KAT6B: variants seen among roughly 807,000 people sequenced by gnomAD.
KAT6B encodes the protein lysine acetyltransferase 6B.
Under a neutral mutation model 187.5 loss-of-function variants are expected in KAT6B, and 10 were observed. That is an observed-to-expected ratio of 0.05 (90% CI 0.03 to 0.09). The LOEUF is 0.09. Ranked by LOEUF, KAT6B falls within the 10% of genes least tolerant of loss-of-function variation. The probability of loss-of-function intolerance (pLI) is 1.00; values close to 1 mark genes in which losing one functional copy is unlikely to be tolerated. For synonymous variants in KAT6B, 861 were observed against 926.8 expected (o/e 0.93, Z 1.29); for missense variants, 1,952 against 2,558.9 (o/e 0.76, Z 5.12).
intron 13 of KAT6B, among the ~76,000 whole-genome samples, chr10:75,003,979 T>A (rs1316386196): frequency 1.3e-5 from 2 of 152,100 alleles, no homozygotes; most frequent in Non-Finnish European, 2.9e-5. Context: ...CTGCAGTCTC[T>A]CTCATTTTTT....
intron 3 of KAT6B, among the ~76,000 whole-genome samples, chr10:74,892,763 G>T (rs980085529): frequency 5.3e-5 from 8 of 152,176 alleles, no homozygotes; most frequent in African/African-American, 1.9e-4. Context: ...AGAGGTACCA[G>T]CCAGGTGCTG....
intron 3 of KAT6B, among the ~76,000 whole-genome samples, chr10:74,906,008 G>A (rs1458968132): frequency 6.6e-6 from 1 of 152,110 alleles, no homozygotes; most frequent in Non-Finnish European, 1.5e-5. Context: ...TAAAAATGAT[G>A]AGACTTTTTA....
intron 3 of KAT6B, among the ~76,000 whole-genome samples, chr10:74,855,847 GTGTATA>G (rs1842782703): frequency 6.6e-6 from 1 of 151,964 alleles, no homozygotes; most frequent in African/African-American, 2.4e-5. Context: ...TCCTATATGT[GTGTATA>G]TGTATATGTT....
At chr10:74,903,994 C>T (rs1314270074) in intron 3 of KAT6B, among the ~76,000 whole-genome samples, 1 of 152,144 alleles carries the variant, frequency 6.6e-6, no homozygotes, top group Non-Finnish European at 1.5e-5. Context: ...TACATTATCT[C>T]CCTTAAGGCA....
intron 1 of KAT6B, among the ~76,000 whole-genome samples, chr10:74,835,672 AAAC>A (rs2132000449): frequency 1.3e-5 from 2 of 152,370 alleles, no homozygotes; most frequent in African/African-American, 4.8e-5. Flanking sequence ...CCTTTTGTAA[AAAC>A]AACAATGCTA....
At position 74,922,841 on chromosome 10, in the gene KAT6B, G is replaced by A. The variant is rs1019619159; in HGVS notation, c.622-37129G>A. Among the ~76,000 whole-genome samples the A allele has an allele frequency of 3.9e-4, 59 of 152,106 alleles. 1 individual carries two copies. Among genetic ancestry groups the A allele is most frequent in the Non-Finnish European group, 8.8e-5 (6 of 68,010 alleles). On this transcript the variant is annotated intron_variant, in intron 3 of 17. Transcript: ENST00000287239. The stretch of plus-strand genomic sequence containing the variant: ...GTTCATGAACAAACACTTCATTTCT[G>A]TAGTCATATTTTTTTTTAAAGAATA...
intron 3 of KAT6B, among the ~76,000 whole-genome samples, chr10:74,922,778 G>T (rs1017258149): frequency 6.6e-6 from 1 of 152,212 alleles, no homozygotes; most frequent in African/African-American, 2.4e-5. Context: ...TTTGGCTCAA[G>T]TGAATCCAGA....
intron 3 of KAT6B, among the ~76,000 whole-genome samples, chr10:74,855,373 A>G (rs908275724): frequency 3.9e-5 from 6 of 152,204 alleles, no homozygotes; most frequent in African/African-American, 1.2e-4. Context: ...TTGCCACCCT[A>G]TGGGTATGAT....
At chr10:74,944,913 C>CA (rs1850006916) in intron 3 of KAT6B, among the ~76,000 whole-genome samples, 1 of 150,962 alleles carries the variant, frequency 6.6e-6, no homozygotes, top group South Asian at 2.1e-4. Flanking sequence ...AATACCATAC[C>CA]AAGTGCAACT....
intron 3 of KAT6B, among the ~76,000 whole-genome samples, chr10:74,926,756 T>C (rs555787692): frequency 6.6e-6 from 1 of 152,328 alleles, no homozygotes; most frequent in Admixed American, 6.5e-5. Context: ...CCACTTCACG[T>C]GGAGGCATGG....
intron 1 of KAT6B, among the ~76,000 whole-genome samples, chr10:74,833,083 C>T (rs1298903023): frequency 2.8e-5 from 4 of 141,262 alleles, no homozygotes; most frequent in African/African-American, 8.0e-5. Flanking sequence ...TGCAGTGAGC[C>T]GAGATCACGC....
chr10:74,943,021 C>A (rs1474564678), intron 3 of KAT6B, among the ~76,000 whole-genome samples: 1 of 152,014 alleles, frequency 6.6e-6, no homozygotes, highest in Non-Finnish European at 1.5e-5. Context: ...TTACAGCATG[C>A]AGATTGAGAG....
chr10:74,885,537 A>G (rs1845177209), intron 3 of KAT6B, among the ~76,000 whole-genome samples: 1 of 152,180 alleles, frequency 6.6e-6, no homozygotes, highest in Non-Finnish European at 1.5e-5. Context: ...TAAATATGCT[A>G]GATATGAACT....
chr10:74,888,222 T>C (rs971893154), intron 3 of KAT6B, among the ~76,000 whole-genome samples: 9 of 152,330 alleles, frequency 5.9e-5, no homozygotes, highest in Admixed American at 3.3e-4. Context: ...ATGTAAGTAA[T>C]CTTGGGTATA....
chr10:74,974,437 A>T (rs958464194), intron 7 of KAT6B, among the ~76,000 whole-genome samples: 6 of 152,176 alleles, frequency 3.9e-5, no homozygotes, highest in Admixed American at 3.3e-4. Flanking sequence ...TTGAAAGTAC[A>T]TTCTTGGGCC....
At chr10:74,932,946 A>G (rs954209632) in intron 3 of KAT6B, among the ~76,000 whole-genome samples, 2 of 152,220 alleles carry the variant, frequency 1.3e-5, no homozygotes, top group African/African-American at 4.8e-5. Flanking sequence ...CTGTAATTAT[A>G]TGACCATAAT....
intron 3 of KAT6B, among the ~76,000 whole-genome samples, chr10:74,871,832 A>C (rs1844002445): frequency 6.6e-6 from 1 of 152,200 alleles, no homozygotes; most frequent in African/African-American, 2.4e-5. Flanking sequence ...AACAGTATAC[A>C]AGAAAGCCTG....
In KAT6B at chr10:74,842,803, A is replaced by T. The variant is rs2132070826; in HGVS notation, c.-55A>T. On this transcript the variant is annotated 5_prime_UTR_variant, in exon 3 of 18. Coordinates refer to ENST00000287239, the MANE Select transcript of KAT6B (RefSeq NM_012330.4). ...CTTTCAAATGTGCAAGTTCTGTTAA[A>T]TACAAAGAGAACCTCTATGGGTAAC... 4 of 1,601,542 alleles carry T rather than the reference A, an allele frequency of 2.5e-6. No homozygotes were observed. The East Asian group carries it at 8.9e-5, about 36-fold the overall frequency.
chr10:74,873,124 A>G (rs896119874), intron 3 of KAT6B, among the ~76,000 whole-genome samples: 1 of 152,128 alleles, frequency 6.6e-6, no homozygotes, highest in African/African-American at 2.4e-5. Context: ...TGTTTATTGA[A>G]TTATTCCTGC....
Sources: allele counts gnomAD v4.1 joint callset (sites outside exome capture counted in the v4.1 genomes callset), GRCh38; gene constraint gnomAD v4.1.1; transcripts MANE v1.5; gene names NCBI Gene and HGNC (gene_info 2026-07-23, HGNC 2026-07-21).